Variants in BBX observed in about 807,000 individuals in gnomAD.
BBX encodes BBX high mobility group box domain containing, also known as HMG box transcription factor BBX.
Under a neutral mutation model 100.2 loss-of-function variants are expected in BBX, and 30 were observed. The ratio of observed to expected loss-of-function variants is 0.30; its 90% CI spans 0.22 to 0.41. The LOEUF is 0.41. Ranked by LOEUF, BBX falls within the 10% of genes least tolerant of loss-of-function variation. BBX has a pLI of 1.00. For missense variants in BBX, 1,023 were observed against 1,129.8 expected (o/e 0.91, Z 1.35); for synonymous variants, 376 against 388.1 (o/e 0.97, Z 0.37).
chr3:107,698,486 A>G (rs1009767148), intron 3 of BBX, among the ~76,000 whole-genome samples: 24 of 151,446 alleles, frequency 1.6e-4, no homozygotes, highest in Non-Finnish European at 3.4e-4. Context: ...CCCCATCTCT[A>G]CTAAAAATAA....
rs1189361004 is a variant in BBX at position 107,747,960 on chromosome 3, T to A, written c.751-5T>A. 1 of 1,608,568 alleles carries A rather than the reference T, an allele frequency of 6.2e-7. No individual in the cohort carries two copies. The highest frequency in any genetic ancestry group is 8.5e-7 in the Non-Finnish European group (1 of 1,177,452). On this transcript the variant is annotated splice_polypyrimidine_tract_variant and splice_region_variant and intron_variant, in intron 8 of 17. Transcript: ENST00000325805. Reference sequence around the variant, plus strand: ...GTATATTAAAAATTGCTTGTTTCCTTTCAGATATCTTCAAGTACGTCCCAC... The same window carrying A: ...GTATATTAAAAATTGCTTGTTTCCTATCAGATATCTTCAAGTACGTCCCAC...
intron 16 of BBX, among the ~76,000 whole-genome samples, chr3:107,800,431 A>AT (rs765271133): frequency 3.3e-5 from 5 of 152,188 alleles, no homozygotes; most frequent in Non-Finnish European, 5.9e-5. Flanking sequence ...TATATTTACA[A>AT]TTTTTTTAAA....
At chr3:107,583,980 ATTATTATATATTATTATAT>A (rs2052502514) in intron 2 of BBX, among the ~76,000 whole-genome samples, 1 of 86,084 alleles carries the variant, frequency 1.2e-5, no homozygotes, top group African/African-American at 5.5e-5. Flanking sequence ...ATATTATTAT[ATTATTATATATTATTATAT>A]TATTATATAT....
At chr3:107,702,543 TCA>T (rs2061142984) in intron 3 of BBX, among the ~76,000 whole-genome samples, 1 of 152,238 alleles carries the variant, frequency 6.6e-6, no homozygotes, top group Non-Finnish European at 1.5e-5. Context: ...CTCCACATAT[TCA>T]CTGAACATCT....
intron 2 of BBX, among the ~76,000 whole-genome samples, chr3:107,529,616 A>G (rs745785756): frequency 1.3e-5 from 2 of 152,230 alleles, no homozygotes; most frequent in Non-Finnish European, 2.9e-5. Flanking sequence ...CCTCAAGGGT[A>G]GTCATCACAT....
intron 2 of BBX, among the ~76,000 whole-genome samples, chr3:107,607,630 C>T (rs562245367): frequency 3.2e-4 from 48 of 152,282 alleles, no homozygotes; most frequent in African/African-American, 1.2e-3. Flanking sequence ...TCTGAGGAAC[C>T]TCCCAACCGT....
At chr3:107,586,101 C>A (rs1217336432) in intron 2 of BBX, among the ~76,000 whole-genome samples, 1 of 152,042 alleles carries the variant, frequency 6.6e-6, no homozygotes, top group Non-Finnish European at 1.5e-5. Flanking sequence ...AATGCAAAAT[C>A]TGAAGTTAAT....
intron 2 of BBX, among the ~76,000 whole-genome samples, chr3:107,631,523 TCTC>T (rs2056547362): frequency 6.7e-6 from 1 of 149,690 alleles, no homozygotes; most frequent in South Asian, 2.1e-4. Flanking sequence ...TAAAAACCAT[TCTC>T]CTTGCTTAGA....
At chr3:107,583,271 T>A (rs2052419268) in intron 2 of BBX, among the ~76,000 whole-genome samples, 1 of 152,020 alleles carries the variant, frequency 6.6e-6, no homozygotes, top group African/African-American at 2.4e-5. Context: ...ATTAAACTCT[T>A]TAACTTTCAA....
chr3:107,785,808 G>T (rs554982944), intron 13 of BBX, among the ~76,000 whole-genome samples: 2 of 152,078 alleles, frequency 1.3e-5, no homozygotes, highest in East Asian at 3.9e-4. Flanking sequence ...ATTCAACATT[G>T]GACTAGAGGT....
At chr3:107,615,771 T>C (rs1268777998) in intron 2 of BBX, among the ~76,000 whole-genome samples, 1 of 152,172 alleles carries the variant, frequency 6.6e-6, no homozygotes, top group African/African-American at 2.4e-5. Context: ...GATTGAGATA[T>C]TCATTTAAAA....
At chr3:107,675,255 C>G (rs13087915) in intron 3 of BBX, among the ~76,000 whole-genome samples, 37,161 of 151,932 alleles carry the variant, frequency 0.24, 5,100 homozygotes, top group Non-Finnish European at 0.31. Context: ...GCAGTTTTGA[C>G]GGAAATCAGA....
chr3:107,620,169 A>G lies in BBX; in HGVS notation c.-83-25667A>G, dbSNP rs147342905. On this transcript the variant is annotated intron_variant, in intron 2 of 17. Coordinates refer to ENST00000325805, the MANE Select transcript of BBX (RefSeq NM_001142568.3). ...TTTTTGCCTCTGTCCCCTCCATTCT[A>G]CTGTTGAGCCCATTTGTTAAATTTT... Among the ~76,000 whole-genome samples, 17 of 151,678 alleles carry G rather than the reference A, an allele frequency of 1.1e-4. No homozygotes were observed. In the South Asian group the frequency reaches 3.3e-3, roughly 30 times the overall value.
At chr3:107,573,271 G>A (rs1353794843) in intron 2 of BBX, among the ~76,000 whole-genome samples, 2 of 152,104 alleles carry the variant, frequency 1.3e-5, no homozygotes, top group African/African-American at 4.8e-5. Context: ...TAAATAAAAT[G>A]TTTGTTGGCT....
At chr3:107,718,219 A>T (rs1272143655) in intron 5 of BBX, among the ~76,000 whole-genome samples, 2 of 147,806 alleles carry the variant, frequency 1.4e-5, no homozygotes, top group African/African-American at 4.9e-5. Flanking sequence ...TATTAGTATA[A>T]TTATTAATTT....
rs533672871 is a variant in BBX at position 107,613,941 on chromosome 3, G to GTTTTTTTT, written c.-83-31873_-83-31866dup. On this transcript the variant is annotated intron_variant, in intron 2 of 17. Transcript: ENST00000325805. ...TGAAATTCAGGGTCAACATACCATGGTTTTTTTTTTTTTTTTTTTTTTTTT... is the reference window on the plus strand; with the variant it reads ...TGAAATTCAGGGTCAACATACCATGGTTTTTTTTTTTTTTTTTTTTTTTTTTTTTTTTT... Among the ~76,000 whole-genome samples, 4 of 86,586 alleles carry GTTTTTTTT rather than the reference G, an allele frequency of 4.6e-5. 1 individual carries two copies. The highest frequency in any genetic ancestry group is 4.8e-5 in the Non-Finnish European group (2 of 41,636). The allele number at this position is 86,586 out of a possible 152,430, so 56.8% of individuals were successfully genotyped here.
intron 2 of BBX, among the ~76,000 whole-genome samples, chr3:107,561,593 T>C (rs1362157108): frequency 6.6e-6 from 1 of 152,184 alleles, no homozygotes; most frequent in Non-Finnish European, 1.5e-5. Flanking sequence ...ACAGTGGTCA[T>C]AGAAAATACG....
rs1180245032 is a variant in BBX at position 107,534,023 on chromosome 3, T to C, written c.-84+7625T>C. Among the ~76,000 whole-genome samples the C allele has an allele frequency of 2.0e-5, 3 of 152,208 alleles. No homozygotes were observed. The East Asian group carries it at 5.8e-4, about 29-fold the overall frequency. On this transcript the variant is annotated intron_variant, in intron 2 of 17. Coordinates refer to ENST00000325805, the MANE Select transcript of BBX (RefSeq NM_001142568.3). ...CTTTAGAAAAATGAAAAATATGTCA[T>C]GGGGAAGAGTCTATATGGCAATCTA...
intron 2 of BBX, among the ~76,000 whole-genome samples, chr3:107,530,742 C>T (rs938049362): frequency 5.9e-5 from 9 of 152,260 alleles, no homozygotes; most frequent in Admixed American, 4.6e-4. Context: ...ATAAAAAATA[C>T]CTTTAACATC....
Sources: gnomAD v4.1 joint callset for allele counts (sites outside exome capture counted in the v4.1 genomes callset) on GRCh38, gnomAD v4.1.1 for gene constraint, MANE v1.5 for transcripts, NCBI Gene and HGNC (gene_info 2026-07-23, HGNC 2026-07-21) for gene names.